CHL1: variants seen among roughly 807,000 people sequenced by gnomAD.
CHL1 encodes cell adhesion molecule L1 like.
CHL1 carries 96 observed loss-of-function variants against 141.9 expected under a neutral mutation model. That is an observed-to-expected ratio of 0.68 (90% CI 0.57 to 0.80). CHL1 has a LOEUF of 0.80. Among genes scored for constraint, CHL1 ranks in the 30% least tolerant of loss-of-function variants. CHL1 has a pLI of 0.00. For missense variants in CHL1, 1,820 were observed against 1,457.2 expected, an observed-to-expected ratio of 1.25 and a Z score of -4.05; for synonymous variants, 613 against 502.2, an observed-to-expected ratio of 1.22 and a Z score of -2.95.
chr3:280,089 G>C (rs992563910), intron 2 of CHL1, among the ~76,000 whole-genome samples: 8 of 152,152 alleles, frequency 5.3e-5, no homozygotes, highest in African/African-American at 1.9e-4. Flanking sequence ...GGTGTGTAAA[G>C]ATAAGTATTT....
intron 9 of CHL1, among the ~76,000 whole-genome samples, chr3:347,234 A>G (rs1416294839): frequency 6.6e-6 from 1 of 152,190 alleles, no homozygotes; most frequent in Non-Finnish European, 1.5e-5. Flanking sequence ...CTACTTTATA[A>G]ATAGAGAAAT....
chr3:393,232 CAA>C (rs61149354), intron 23 of CHL1, among the ~76,000 whole-genome samples: 2 of 94,678 alleles, frequency 2.1e-5, no homozygotes, highest in African/African-American at 7.2e-5. Context: ...GACTCCGTCT[CAA>C]AAAAAAAAAA....
At chr3:354,504 T>A in intron 10 of CHL1, 136 bp from the exon 11 acceptor site, 1 of 950,124 alleles carries the variant, frequency 1.1e-6, no homozygotes. Context: ...GCAGAGCAAG[T>A]TTACCAAAAA....
chr3:295,005 G>C (rs1330952261), intron 2 of CHL1, among the ~76,000 whole-genome samples: 1 of 152,158 alleles, frequency 6.6e-6, no homozygotes, highest in Non-Finnish European at 1.5e-5. Context: ...AATTTGTAGA[G>C]AGATTAAACT....
chr3:403,107 G>A (rs906551235), intron 27 of CHL1, among the ~76,000 whole-genome samples: 3 of 152,142 alleles, frequency 2.0e-5, no homozygotes, highest in Admixed American at 2.0e-4. Flanking sequence ...CTGTTGGCAG[G>A]ATATAGTTCC....
At chr3:228,456 A>C (rs1027593074) in intron 1 of CHL1, among the ~76,000 whole-genome samples, 8 of 149,366 alleles carry the variant, frequency 5.4e-5, no homozygotes, top group Non-Finnish European at 7.4e-5. Context: ...TCATGTTTGC[A>C]TACACTCAGT....
chr3:328,891 A>G (rs1701219884), intron 5 of CHL1, among the ~76,000 whole-genome samples: 1 of 152,158 alleles, frequency 6.6e-6, no homozygotes, highest in African/African-American at 2.4e-5. Flanking sequence ...GAAGTTATGC[A>G]GGCAACTCCT....
At chr3:372,968 G>T (rs966316918) in intron 15 of CHL1, among the ~76,000 whole-genome samples, 2 of 152,080 alleles carry the variant, frequency 1.3e-5, no homozygotes, top group Non-Finnish European at 2.9e-5. Flanking sequence ...AGCCAAGATG[G>T]GTGCCTGCTC....
chr3:240,221 A>G (rs1692418623), intron 1 of CHL1, among the ~76,000 whole-genome samples: 1 of 152,178 alleles, frequency 6.6e-6, no homozygotes, highest in South Asian at 2.1e-4. Flanking sequence ...GCAGTGTAGA[A>G]GTGCTCCCTT....
intron 1 of CHL1, among the ~76,000 whole-genome samples, chr3:216,219 G>GA (rs1700308367): frequency 6.6e-6 from 1 of 152,128 alleles, no homozygotes; most frequent in Non-Finnish European, 1.5e-5. Flanking sequence ...TGCTATGGGG[G>GA]ATATTGTCTT....
At chr3:399,726 C>T (rs947390183) in intron 26 of CHL1, among the ~76,000 whole-genome samples, 4 of 152,278 alleles carry the variant, frequency 2.6e-5, no homozygotes, top group South Asian at 2.1e-4. Context: ...ATATCAGCGT[C>T]GTTGAGAGAC....
chr3:335,830 A>C (rs1701821230), intron 5 of CHL1, among the ~76,000 whole-genome samples: 1 of 152,194 alleles, frequency 6.6e-6, no homozygotes, highest in Non-Finnish European at 1.5e-5. Context: ...CTATGGAGAA[A>C]ATCAGGAGCA....
intron 2 of CHL1, among the ~76,000 whole-genome samples, chr3:300,452 T>C (rs1376040819): frequency 6.6e-6 from 1 of 152,204 alleles, no homozygotes; most frequent in Non-Finnish European, 1.5e-5. Context: ...GCACATTCAA[T>C]GGCAAGAACC....
intron 1 of CHL1, among the ~76,000 whole-genome samples, chr3:204,489 G>A (rs1699234852): frequency 6.6e-6 from 1 of 152,152 alleles, no homozygotes; most frequent in Non-Finnish European, 1.5e-5. Flanking sequence ...TTATTTCCAG[G>A]GACTAAGAGA....
At chr3:198,299 G>A (rs1194138331) in intron 1 of CHL1, among the ~76,000 whole-genome samples, 4 of 151,976 alleles carry the variant, frequency 2.6e-5, no homozygotes, top group Non-Finnish European at 5.9e-5. Context: ...TGGGAGCCGC[G>A]GAGCAGCCCC....
At chr3:274,945 G>A (rs959529890) in intron 2 of CHL1, among the ~76,000 whole-genome samples, 2 of 152,154 alleles carry the variant, frequency 1.3e-5, no homozygotes, top group Non-Finnish European at 2.9e-5. Context: ...CTTACTATCA[G>A]TGTTTTTATG....
intron 25 of CHL1, 139 bp downstream of exon 25, chr3:398,524 CAT>C (rs1245184675): frequency 1.5e-5 from 8 of 516,178 alleles, no homozygotes; most frequent in Non-Finnish European, 2.3e-5. Flanking sequence ...TTTGTTTTGA[CAT>C]ATTTTTAAAT....
intron 1 of CHL1, among the ~76,000 whole-genome samples, chr3:226,127 T>A (rs1701322838): frequency 6.6e-6 from 1 of 150,496 alleles, no homozygotes; most frequent in African/African-American, 2.4e-5. Flanking sequence ...TTCAAGTGAT[T>A]CTCGTGCCTC....
intron 2 of CHL1, among the ~76,000 whole-genome samples, chr3:276,948 T>C (rs1032616382): frequency 2.0e-5 from 3 of 149,920 alleles, no homozygotes; most frequent in African/African-American, 7.4e-5. Flanking sequence ...TTATCCGGGT[T>C]CCATTCTAAA....
Sources: allele counts gnomAD v4.1 joint callset (sites outside exome capture counted in the v4.1 genomes callset), GRCh38; gene constraint gnomAD v4.1.1; transcripts MANE v1.5; gene names NCBI Gene and HGNC (gene_info 2026-07-23, HGNC 2026-07-21).